Variants in NAALADL2 observed in about 807,000 individuals in gnomAD.
NAALADL2 encodes the protein inactive N-acetylated-alpha-linked acidic dipeptidase-like protein 2.
Under a neutral mutation model 87.2 loss-of-function variants are expected in NAALADL2, and 76 were observed. The observed-to-expected ratio is 0.87, with a 90% confidence interval of 0.72 to 1.05. NAALADL2 has a LOEUF of 1.05. Among genes scored for constraint, NAALADL2 ranks in the 50% least tolerant of loss-of-function variants. The pLI is 0.00. For synonymous variants in NAALADL2, 354 were observed against 331.0 expected (o/e 1.07, Z -0.75); for missense variants, 1,089 against 945.8 (o/e 1.15, Z -1.99).
intron 2 of NAALADL2, among the ~76,000 whole-genome samples, chr3:174,567,603 GA>G (rs1714440062): frequency 6.6e-6 from 1 of 151,536 alleles, no homozygotes; most frequent in Non-Finnish European, 1.5e-5. Flanking sequence ...GATAGTATCA[GA>G]AGGCAATCTG....
At chr3:175,492,029 T>C (rs540167971) in intron 9 of NAALADL2, among the ~76,000 whole-genome samples, 1 of 152,324 alleles carries the variant, frequency 6.6e-6, no homozygotes, top group Non-Finnish European at 1.5e-5. Flanking sequence ...AACCTCTGGG[T>C]AAAGCTCTGT....
chr3:175,689,466 T>A (rs1736752557), intron 11 of NAALADL2, among the ~76,000 whole-genome samples: 1 of 152,160 alleles, frequency 6.6e-6, no homozygotes, highest in Non-Finnish European at 1.5e-5. Context: ...TGGCAAATAA[T>A]TCCTATAATT....
chr3:175,514,341 T>A (rs1223036019), intron 9 of NAALADL2, among the ~76,000 whole-genome samples: 3 of 152,224 alleles, frequency 2.0e-5, no homozygotes. Flanking sequence ...TTAGAATTTA[T>A]AATGTATTAA....
At chr3:175,459,148 G>A (rs1049119188) in intron 6 of NAALADL2, among the ~76,000 whole-genome samples, 3 of 151,858 alleles carry the variant, frequency 2.0e-5, no homozygotes, top group African/African-American at 4.8e-5. Flanking sequence ...TATACCACCC[G>A]AAGTTACCAT....
intron 13 of NAALADL2, among the ~76,000 whole-genome samples, chr3:175,767,838 A>G (rs1376090092): frequency 1.3e-5 from 2 of 152,150 alleles, no homozygotes; most frequent in Admixed American, 6.5e-5. Context: ...GAGAAATTCT[A>G]TGAATCTCCT....
intron 4 of NAALADL2, among the ~76,000 whole-genome samples, chr3:175,307,046 T>G (rs116447666): frequency 0.012 from 1,793 of 152,276 alleles, 39 homozygotes; most frequent in African/African-American, 0.041. Context: ...CTTTGCCCAA[T>G]AGTATACTCT....
intron 11 of NAALADL2, among the ~76,000 whole-genome samples, chr3:175,671,134 T>C (rs185294563): frequency 1.5e-3 from 227 of 151,608 alleles, no homozygotes; most frequent in African/African-American, 5.3e-3. Context: ...ACTTAAGTCA[T>C]GACTTAAGAC....
chr3:175,327,758 A>G (rs1262095944), intron 5 of NAALADL2, among the ~76,000 whole-genome samples: 1 of 152,200 alleles, frequency 6.6e-6, no homozygotes, highest in Non-Finnish European at 1.5e-5. Flanking sequence ...TGTTTGAGTA[A>G]GGTTTGTTAT....
intron 5 of NAALADL2, among the ~76,000 whole-genome samples, chr3:175,408,083 A>G (rs557940454): frequency 1.3e-5 from 2 of 152,274 alleles, no homozygotes; most frequent in South Asian, 4.1e-4. Flanking sequence ...TCGATCTCAT[A>G]GAAACAGAGT....
chr3:174,905,324 G>T (rs1305254689), intron 1 of NAALADL2, among the ~76,000 whole-genome samples: 1 of 151,746 alleles, frequency 6.6e-6, no homozygotes, highest in Non-Finnish European at 1.5e-5. Context: ...GCTTAATTTG[G>T]AATAGAATTT....
intron 2 of NAALADL2, among the ~76,000 whole-genome samples, chr3:175,161,931 T>C (rs1348149983): frequency 2.6e-5 from 4 of 152,172 alleles, no homozygotes; most frequent in Non-Finnish European, 5.9e-5. Flanking sequence ...GAACTTCTAA[T>C]AACATTTTAA....
At chr3:175,700,733 T>C (rs558111162) in intron 11 of NAALADL2, among the ~76,000 whole-genome samples, 1 of 152,150 alleles carries the variant, frequency 6.6e-6, no homozygotes, top group Non-Finnish European at 1.5e-5. Flanking sequence ...GTAAAGTCTG[T>C]TTTTCATCAT....
At chr3:175,605,379 T>TA (rs11353624) in intron 10 of NAALADL2, among the ~76,000 whole-genome samples, 1 of 151,834 alleles carries the variant, frequency 6.6e-6, no homozygotes, top group Non-Finnish European at 1.5e-5. Context: ...TTATTCCCAT[T>TA]AAAAAAAAGA....
chr3:175,095,762 G>A (rs1278007175), intron 1 of NAALADL2, among the ~76,000 whole-genome samples: 1 of 152,004 alleles, frequency 6.6e-6, no homozygotes, highest in Non-Finnish European at 1.5e-5. Context: ...GCCCACCACA[G>A]TGGGACACAC....
chr3:174,767,255 A>T (rs1385612727), intron 3 of NAALADL2, among the ~76,000 whole-genome samples: 1 of 152,214 alleles, frequency 6.6e-6, no homozygotes, highest in African/African-American at 2.4e-5. Flanking sequence ...ATATCAGAGC[A>T]GATTAGACCT....
At chr3:175,175,588 A>ATTATT (rs1318477695) in intron 2 of NAALADL2, among the ~76,000 whole-genome samples, 2 of 152,084 alleles carry the variant, frequency 1.3e-5, no homozygotes, top group African/African-American at 4.8e-5. Context: ...TTTTAAAAAA[A>ATTATT]TTATTTAGTT....
At chr3:174,720,362 A>C (rs1401616432) in intron 2 of NAALADL2, among the ~76,000 whole-genome samples, 1 of 152,178 alleles carries the variant, frequency 6.6e-6, no homozygotes, top group Non-Finnish European at 1.5e-5. Flanking sequence ...CTTAGTAACA[A>C]AGTAATAACT....
intron 1 of NAALADL2, among the ~76,000 whole-genome samples, chr3:174,450,020 T>TACACACACAC (rs35861742): frequency 6.7e-6 from 1 of 148,780 alleles, no homozygotes; most frequent in African/African-American, 2.5e-5. Flanking sequence ...AACACATACA[T>TACACACACAC]ACACACACAC....
chr3:174,887,219 T>A (rs1271944789), intron 1 of NAALADL2, among the ~76,000 whole-genome samples: 1 of 152,200 alleles, frequency 6.6e-6, no homozygotes, highest in East Asian at 1.9e-4. Context: ...TCTACAGCAC[T>A]GAACACTAAA....
Sources: allele counts gnomAD v4.1 joint callset (sites outside exome capture counted in the v4.1 genomes callset), GRCh38; gene constraint gnomAD v4.1.1; transcripts MANE v1.5; gene names NCBI Gene and HGNC (gene_info 2026-07-23, HGNC 2026-07-21).